ESRRG: variants seen among roughly 807,000 people sequenced by gnomAD.
The protein encoded by ESRRG is estrogen-related receptor gamma.
ESRRG carries 13 observed loss-of-function variants against 44.0 expected under a neutral mutation model. That is an observed-to-expected ratio of 0.30 (90% CI 0.19 to 0.47). The LOEUF (loss-of-function observed/expected upper bound fraction) is 0.47, where lower values mean the gene tolerates loss of function less well. ESRRG is among the 20% of genes least tolerant of loss of function. ESRRG has a pLI of 1.00. For missense variants in ESRRG, 395 were observed against 580.6 expected, an observed-to-expected ratio of 0.68 and a Z score of 3.29; for synonymous variants, 215 against 214.6, an observed-to-expected ratio of 1.00 and a Z score of -0.02.
At chr1:217,055,159 T>G (rs1054442355) in intron 1 of ESRRG, among the ~76,000 whole-genome samples, 1 of 152,166 alleles carries the variant, frequency 6.6e-6, no homozygotes, top group Non-Finnish European at 1.5e-5. Context: ...AAACCACCAA[T>G]AGCCCTTTTT....
chr1:216,969,826 C>A (rs1390618395), intron 1 of ESRRG, among the ~76,000 whole-genome samples: 2 of 152,108 alleles, frequency 1.3e-5, no homozygotes, highest in African/African-American at 4.8e-5. Flanking sequence ...CTCAGGTGAT[C>A]CGCCCACCTC....
chr1:217,130,409 T>G (rs1312127293), intron 1 of ESRRG, among the ~76,000 whole-genome samples: 1 of 152,148 alleles, frequency 6.6e-6, no homozygotes, highest in Non-Finnish European at 1.5e-5. Flanking sequence ...ATTTTTCTTT[T>G]TCTTTTTTTA....
At chr1:216,523,229 T>C (rs1399020427) in intron 5 of ESRRG, among the ~76,000 whole-genome samples, 1 of 152,142 alleles carries the variant, frequency 6.6e-6, no homozygotes, top group Non-Finnish European at 1.5e-5. Flanking sequence ...ATTTAATGTA[T>C]CTCAGGCATT....
intron 1 of ESRRG, among the ~76,000 whole-genome samples, chr1:217,060,866 T>G (rs183411655): frequency 4.7e-4 from 72 of 152,098 alleles, no homozygotes; most frequent in Admixed American, 1.4e-3. Flanking sequence ...GAATTCCTAG[T>G]GCCTGAAAGC....
intron 2 of ESRRG, among the ~76,000 whole-genome samples, chr1:216,773,243 G>C (rs2152401498): frequency 6.6e-6 from 1 of 152,190 alleles, no homozygotes; most frequent in Admixed American, 6.5e-5. Flanking sequence ...TTAGAAAATT[G>C]GATAGCTTAC....
At chr1:216,643,384 A>C (rs1328015293) in intron 3 of ESRRG, among the ~76,000 whole-genome samples, 1 of 152,100 alleles carries the variant, frequency 6.6e-6, no homozygotes, top group African/African-American at 2.4e-5. Context: ...GGATCTCCAT[A>C]CTCCTACCAT....
chr1:216,773,701 G>C (rs895203667), intron 2 of ESRRG, among the ~76,000 whole-genome samples: 3 of 152,110 alleles, frequency 2.0e-5, no homozygotes, highest in African/African-American at 7.2e-5. Context: ...AAAATAGTCA[G>C]ACTTGGATCT....
At position 216,552,147 on chromosome 1, in the gene ESRRG, CAT is replaced by C. The variant is rs199817320; in HGVS notation, c.862+12070_862+12071del. 4.8e-3 allele frequency among the ~76,000 whole-genome samples: 738 copies of C among 152,176 alleles called. 4 individuals carry two copies. The highest frequency in any genetic ancestry group is 0.017 in the African/African-American group (706 of 41,534). ...AATATCCAAAATAACTTTCCTAAAACATATTCACTGCTATTAATCTATCTTCA... is the reference window on the plus strand; with the variant it reads ...AATATCCAAAATAACTTTCCTAAAACATTCACTGCTATTAATCTATCTTCA... On this transcript the variant is annotated intron_variant, in intron 5 of 6. Coordinates refer to ENST00000408911, the MANE Select transcript of ESRRG (RefSeq NM_001438.4).
chr1:216,633,364 C>A (rs920276083), intron 3 of ESRRG, among the ~76,000 whole-genome samples: 2 of 152,212 alleles, frequency 1.3e-5, no homozygotes, highest in African/African-American at 4.8e-5. Flanking sequence ...CAGGTGCAAC[C>A]TGGACACTTT....
At chr1:216,707,613 G>A (rs1238823179) in intron 1 of ESRRG, 7 of 931,850 alleles carry the variant, frequency 7.5e-6, no homozygotes, top group East Asian at 2.8e-5. Flanking sequence ...TGGAGACTTA[G>A]GTATGAAAAA....
Position 216,525,080 on chromosome 1 carries a change from T to C in ESRRG, c.863-5659A>G, listed in dbSNP as rs1280232575. 2.6e-5 allele frequency among the ~76,000 whole-genome samples: 4 copies of C among 152,204 alleles called. No individual in the cohort carries two copies. In the East Asian group the frequency reaches 7.7e-4, roughly 29 times the overall value. On this transcript the variant is annotated intron_variant, in intron 5 of 6. Coordinates refer to ENST00000408911, the MANE Select transcript of ESRRG (RefSeq NM_001438.4). The stretch of plus-strand genomic sequence containing the variant: ...GGTGAAATGCTTTCTTTAGCAATTA[T>C]TCCTGGTTTTCCAATCAGCTTGCTA...
chr1:217,023,088 A>T (rs2080615319), intron 1 of ESRRG, among the ~76,000 whole-genome samples: 3 of 152,220 alleles, frequency 2.0e-5, no homozygotes, highest in Non-Finnish European at 4.4e-5. Flanking sequence ...GCCAAGATCC[A>T]TTCACAATGG....
chr1:216,693,365 C>G (rs1056746276), intron 1 of ESRRG, among the ~76,000 whole-genome samples: 1 of 152,184 alleles, frequency 6.6e-6, no homozygotes, highest in Admixed American at 6.5e-5. Context: ...CTCTTGGCCT[C>G]AAGCAATCCT....
At chr1:217,026,122 C>T (rs76945571) in intron 1 of ESRRG, among the ~76,000 whole-genome samples, 1 of 152,278 alleles carries the variant, frequency 6.6e-6, no homozygotes, top group South Asian at 2.1e-4. Context: ...ATCTGGCCTA[C>T]TGAGCCCCAC....
intron 2 of ESRRG, among the ~76,000 whole-genome samples, chr1:216,668,585 C>A (rs2074480947): frequency 6.6e-6 from 1 of 152,244 alleles, no homozygotes; most frequent in African/African-American, 2.4e-5. Context: ...CAAAGATCAA[C>A]CATGAAATAC....
At chr1:216,793,549 C>T (rs2094386903) in intron 2 of ESRRG, among the ~76,000 whole-genome samples, 1 of 152,150 alleles carries the variant, frequency 6.6e-6, no homozygotes, top group Non-Finnish European at 1.5e-5. Flanking sequence ...CCTGCCCTGT[C>T]ATATCTTCAG....
At chr1:216,949,900 C>T (rs997484122) in intron 1 of ESRRG, among the ~76,000 whole-genome samples, 1 of 152,006 alleles carries the variant, frequency 6.6e-6, no homozygotes. Context: ...GCAACCTCCA[C>T]ATCCCGGGCT....
intron 3 of ESRRG, among the ~76,000 whole-genome samples, chr1:216,624,485 G>A (rs1197736393): frequency 6.6e-6 from 1 of 152,156 alleles, no homozygotes; most frequent in Non-Finnish European, 1.5e-5. Flanking sequence ...GATGACAGCT[G>A]ATCAAGACAT....
chr1:216,745,329 GGTTT>G (rs113164216), intron 2 of ESRRG, among the ~76,000 whole-genome samples: 5,595 of 151,354 alleles, frequency 0.037, 142 homozygotes, highest in Middle Eastern at 0.041. Context: ...ACACCTATGT[GGTTT>G]GTTTGTTTGT....
Sources: gnomAD v4.1 joint callset for allele counts (sites outside exome capture counted in the v4.1 genomes callset) on GRCh38, gnomAD v4.1.1 for gene constraint, MANE v1.5 for transcripts, NCBI Gene and HGNC (gene_info 2026-07-23, HGNC 2026-07-21) for gene names.